CRAT: variants seen among roughly 807,000 people sequenced by gnomAD.
CRAT encodes carnitine O-acetyltransferase.
A neutral mutation model predicts 73.7 loss-of-function variants in CRAT; 66 were observed. That is an observed-to-expected ratio of 0.90 (90% CI 0.73 to 1.10). CRAT has a LOEUF of 1.10. Ranked by LOEUF, CRAT falls within the 50% of genes least tolerant of loss-of-function variation. CRAT has a pLI of 0.00. For synonymous variants in CRAT, 321 were observed against 343.2 expected, an observed-to-expected ratio of 0.94 and a Z score of 0.71; for missense variants, 745 against 846.9, an observed-to-expected ratio of 0.88 and a Z score of 1.49.
chr9:129,096,480 G>A (rs946670981), intron 12 of CRAT, among the ~76,000 whole-genome samples: 1 of 152,216 alleles, frequency 6.6e-6, no homozygotes, highest in Non-Finnish European at 1.5e-5. Context: ...CACTCCCCTC[G>A]CAGGGTGGCG....
rs1218912443 is a variant in CRAT, at chr9:129,098,611, C to A, written c.1125G>T (p.Leu375=). 2 of 1,599,990 alleles carry A rather than the reference C, an allele frequency of 1.3e-6. No individual in the cohort carries two copies. The highest frequency in any genetic ancestry group is 1.8e-5 in the Admixed American group (1 of 54,820). Residue 375 remains leucine (L), a synonymous_variant, in exon 9 of 14, where the codon CTG becomes CTT. Transcript: ENST00000318080. ...TGAACCGCAGCTTCTTGGGCATGGG[C>A]AGGGGCACCAGGGGAGACCGCACAA... is the stretch of plus-strand genomic sequence containing the variant. ...PELVRSPLVP[L]PMPKKLRFNI...
At chr9:129,100,149 C>T (rs1025972857) in intron 7 of CRAT, 183 bp from the exon 8 acceptor site, 43 of 591,130 alleles carry the variant, frequency 7.3e-5, no homozygotes, top group Admixed American at 4.2e-4. Context: ...GCACATCCCA[C>T]GCTCAGCGTG....
intron 1 of CRAT, chr9:129,108,623 G>C: frequency 8.8e-7 from 1 of 1,136,126 alleles, no homozygotes; most frequent in Non-Finnish European, 1.1e-6. Flanking sequence ...TGGCGAGAGA[G>C]CCGGGTGGCC....
At chr9:129,104,085 G>C in intron 3 of CRAT, 103 bp downstream of exon 3, 3 of 705,022 alleles carry the variant, frequency 4.3e-6, no homozygotes, top group Middle Eastern at 4.0e-4. Context: ...AAGGCTGCTT[G>C]TGGGGCAGAA....
In CRAT at chr9:129,107,038, C is replaced by T. The variant is rs1317245630; in HGVS notation, c.291+776G>A. ...GCCTCCCTCCCAGCAGCTGGGTCAC[C>T]TTTTTTTTTTCCCAAGACAGAGTCT... On this transcript the variant is annotated intron_variant, in intron 2 of 13. Coordinates refer to ENST00000318080, the MANE Select transcript of CRAT (RefSeq NM_000755.5). The surrounding 1 kb of genome is among the most constrained non-coding windows in gnomAD (Gnocchi z 5.0). Among the ~76,000 whole-genome samples, 1 of 149,676 alleles carries T rather than the reference C, an allele frequency of 6.7e-6. No homozygotes were observed. The highest frequency in any genetic ancestry group is 2.4e-5 in the African/African-American group (1 of 40,934).
chr9:129,109,330 G>A (rs1460889426), intron 1 of CRAT: 34 of 1,255,828 alleles, frequency 2.7e-5, no homozygotes, highest in Non-Finnish European at 3.4e-5. Context: ...GCCATCAGTG[G>A]ATGGGACAGC....
chr9:129,096,300 C>A, intron 12 of CRAT, 165 bp from the exon 13 acceptor site: 7 of 943,284 alleles, frequency 7.4e-6, no homozygotes, highest in Non-Finnish European at 7.8e-6. Context: ...GATGGGGAAA[C>A]CAAGGCTCAG....
At chr9:129,108,176 G>T in intron 1 of CRAT, 99 bp from the exon 2 acceptor site, 1 of 1,407,394 alleles carries the variant, frequency 7.1e-7, no homozygotes, top group Non-Finnish European at 9.3e-7. Flanking sequence ...CATCCCTGGG[G>T]GCAGAGACGG....
intron 11 of CRAT, 68 bp downstream of exon 11, chr9:129,097,945 T>A (rs1847384605): frequency 1.3e-6 from 2 of 1,578,556 alleles, no homozygotes; most frequent in Non-Finnish European, 8.6e-7. Context: ...AATTATTGTG[T>A]GTTGACTGAG....
In CRAT at chr9:129,098,333, T is replaced by G; in HGVS notation, c.1244A>C (p.His415Pro). ...CTTGGGGAAGTCTTTTCCAAAATGG[T>G]GGAACACCATCACGGTGATATCCAG... Reference protein sequence around the residue: ...QDLDITVMVFHHFGKDFPKSE... With the variant: ...QDLDITVMVFPHFGKDFPKSE... The change falls in exon 10 of 14, where the codon CAC (histidine) becomes CCC (proline). Residue 415 changes from histidine to proline, a missense_variant. Coordinates refer to ENST00000318080, the MANE Select transcript of CRAT (RefSeq NM_000755.5). The G allele has an allele frequency of 6.2e-7, 1 of 1,613,878 alleles. No individual in the cohort carries two copies. Among genetic ancestry groups the G allele is most frequent in the African/African-American group, 1.3e-5 (1 of 74,998 alleles).
chr9:129,097,978 G>A, intron 11 of CRAT, 35 bp downstream of exon 11: 1 of 1,605,002 alleles, frequency 6.2e-7, no homozygotes, highest in African/African-American at 1.3e-5. Context: ...AGGGGCTCAG[G>A]CCCAGCTCAC....
At position 129,103,082 on chromosome 9, in the gene CRAT, A is replaced by G; in HGVS notation, c.411-16T>C. The G allele has an allele frequency of 6.2e-7, 1 of 1,613,028 alleles. No homozygotes were observed. The highest frequency in any genetic ancestry group is 8.5e-7 in the Non-Finnish European group (1 of 1,178,962). On this transcript the variant is annotated splice_polypyrimidine_tract_variant and intron_variant, in intron 3 of 13. Transcript: ENST00000318080. This position sits in a 1 kb window ranked among gnomAD's most constrained non-coding sequence, Gnocchi z 4.6. ...GGCAGCAAATCTGGAAAGATTGATT[A>G]GAGATTAGAAGCTGCGTGGACACCC...
intron 1 of CRAT, chr9:129,109,076 T>TG: frequency 2.4e-6 from 3 of 1,273,818 alleles, no homozygotes; most frequent in African/African-American, 1.5e-5. Flanking sequence ...AGAGGGCTAG[T>TG]GGGGGGGCAT....
Position 129,098,603 on chromosome 9 carries a change from G to C in CRAT, c.1133C>G (p.Pro378Arg), listed in dbSNP as rs1847443368. The C allele has an allele frequency of 6.3e-7, 1 of 1,599,902 alleles. No individual in the cohort carries two copies. Among genetic ancestry groups the C allele is most frequent in the East Asian group, 2.2e-5 (1 of 44,756 alleles). Residue 378 changes from proline (P) to arginine (R), a missense_variant, in exon 9 of 14, where the codon CCC becomes CGC. Pro to Arg is a moderately radical substitution (Grantham distance 103). Transcript: ENST00000318080. ...GGTGATGTTGAACCGCAGCTTCTTG[G>C]GCATGGGCAGGGGCACCAGGGGAGA... ...VRSPLVPLPM[P>R]KKLRFNITPE... is the part of the protein sequence containing the mutation.
chr9:129,104,856 G>T (rs546143486), intron 2 of CRAT, among the ~76,000 whole-genome samples: 1 of 150,192 alleles, frequency 6.7e-6, no homozygotes, highest in Non-Finnish European at 1.5e-5. Flanking sequence ...CGCCCGCCTT[G>T]GCCTCCCAAA....
At chr9:129,100,468 T>C (rs1241259025) in intron 7 of CRAT, 43 bp downstream of exon 7, 1 of 1,574,646 alleles carries the variant, frequency 6.4e-7, no homozygotes, top group Non-Finnish European at 8.6e-7. Flanking sequence ...GCAGAGGTCC[T>C]GTTCAGGTGT....
intron 1 of CRAT, chr9:129,108,973 CG>C: frequency 1.6e-6 from 2 of 1,231,820 alleles, no homozygotes; most frequent in Non-Finnish European, 2.1e-6. Context: ...GTGGTGGAAT[CG>C]GGGGTTGTGG....
chr9:129,101,866 C>T lies in CRAT; in HGVS notation c.805+17G>A, dbSNP rs753767546. The T allele has an allele frequency of 2.2e-5, 36 of 1,611,242 alleles. No homozygotes were observed. In the East Asian group the frequency reaches 5.6e-4, roughly 25 times the overall value. The stretch of plus-strand genomic sequence containing the variant: ...GAGGCCTGGGTGTGCAGCCCCAGCA[C>T]GGCCCCCAAGAGGCACCTTTGATGA... On this transcript the variant is annotated intron_variant, in intron 6 of 13. Transcript: ENST00000318080.
chr9:129,099,906 G>T lies in CRAT; in HGVS notation c.1045C>A (p.Pro349Thr), dbSNP rs1044553. 6.2e-7 allele frequency: 1 copy of T among 1,613,724 alleles called. No individual in the cohort carries two copies. Among genetic ancestry groups the T allele is most frequent in the East Asian group, 2.2e-5 (1 of 44,874 alleles). ...TAGTCCAGAAGGGTGACAATAGGGG[G>T]CCCCTCCGCTGCAGCATGCTCGTAC... Reference protein sequence around the residue: ...LVYEHAAAEGPPIVTLLDYVI... With the variant: ...LVYEHAAAEGTPIVTLLDYVI... Residue 349 changes from proline to threonine, a missense_variant, in exon 8 of 14, where the codon CCC becomes ACC. Transcript: ENST00000318080.
Sources: allele counts gnomAD v4.1 joint callset (sites outside exome capture counted in the v4.1 genomes callset), GRCh38; gene constraint gnomAD v4.1.1; non-coding constraint Gnocchi (gnomAD v3.1); transcripts MANE v1.5; gene names NCBI Gene and HGNC (gene_info 2026-07-23, HGNC 2026-07-21).